The following FLT3 variants were observed in gnomAD, a reference collection of about 807,000 sequenced individuals.
FLT3 encodes the protein fms related receptor tyrosine kinase 3, also known as receptor-type tyrosine-protein kinase FLT3.
FLT3 carries 46 observed loss-of-function variants against 126.6 expected under a neutral mutation model. The ratio of observed to expected loss-of-function variants is 0.36; its 90% confidence interval spans 0.29 to 0.46. The LOEUF (loss-of-function observed/expected upper bound fraction) is 0.46, where lower values mean the gene tolerates loss of function less well. FLT3 is among the 20% of genes least tolerant of loss of function. The pLI is 1.00. For missense variants in FLT3, 1,069 were observed against 1,190.3 expected (o/e 0.90, Z 1.50); for synonymous variants, 404 against 434.4 (o/e 0.93, Z 0.87).
At chr13:28,068,758 A>T (rs111323184) in intron 2 of FLT3, among the ~76,000 whole-genome samples, 2 of 151,910 alleles carry the variant, frequency 1.3e-5, no homozygotes, top group Non-Finnish European at 2.9e-5. Context: ...TGTATTTTTG[A>T]TAGACACGGG....
At chr13:28,030,518 C>G (rs1379995857) in intron 15 of FLT3, among the ~76,000 whole-genome samples, 1 of 152,044 alleles carries the variant, frequency 6.6e-6, no homozygotes, top group Non-Finnish European at 1.5e-5. Context: ...CTTAGAGTCT[C>G]CTGGAGAAGG....
intron 1 of FLT3, among the ~76,000 whole-genome samples, chr13:28,072,951 G>A (rs1391166866): frequency 4.6e-5 from 7 of 151,982 alleles, no homozygotes; most frequent in Non-Finnish European, 1.5e-5. Context: ...CTTGCAGTGA[G>A]CCAAGATCGT....
At chr13:28,020,655 A>G (rs1028101940) in intron 19 of FLT3, among the ~76,000 whole-genome samples, 26 of 152,022 alleles carry the variant, frequency 1.7e-4, no homozygotes, top group African/African-American at 6.0e-4. Flanking sequence ...CCTCAGTGTC[A>G]TCTTCGACTT....
chr13:28,096,880 G>A (rs1456601324), intron 1 of FLT3, among the ~76,000 whole-genome samples: 1 of 152,164 alleles, frequency 6.6e-6, no homozygotes, highest in Non-Finnish European at 1.5e-5. Context: ...TTATACACAA[G>A]TTCCCCTACC....
At chr13:28,078,718 T>TTC (rs34640894) in intron 1 of FLT3, among the ~76,000 whole-genome samples, 77,944 of 141,444 alleles carry the variant, frequency 0.55, 21,865 homozygotes, top group East Asian at 0.77. Context: ...TTCTTTTCTT[T>TTC]TTTTTTTTTT....
chr13:28,071,131 A>G (rs900488314), intron 1 of FLT3, among the ~76,000 whole-genome samples: 6 of 148,244 alleles, frequency 4.0e-5, no homozygotes, highest in African/African-American at 1.5e-4. Flanking sequence ...AGTGGCTGGG[A>G]TTACAGGTGC....
chr13:28,063,316 T>C, intron 2 of FLT3, among the ~76,000 whole-genome samples: 1 of 152,034 alleles, frequency 6.6e-6, no homozygotes, highest in African/African-American at 2.4e-5. Context: ...CCATCTCTAC[T>C]GAAAATACAA....
At position 28,090,274 on chromosome 13, in the gene FLT3, G is replaced by C. The variant is rs1013851079; in HGVS notation, c.43+10194C>G. Among the ~76,000 whole-genome samples, 7 of 150,856 alleles carry C rather than the reference G, an allele frequency of 4.6e-5. No individual in the cohort carries two copies. In the South Asian group the frequency reaches 1.5e-3, roughly 32 times the overall value. On this transcript the variant is annotated intron_variant, in intron 1 of 23. Transcript: ENST00000241453. Reference sequence around the variant, plus strand: ...GCTGGTCTTGAACTCCTGACCTCTTGATCCGCCTGCCTCAGCCTCCCAAAG... The same window carrying C: ...GCTGGTCTTGAACTCCTGACCTCTTCATCCGCCTGCCTCAGCCTCCCAAAG...
chr13:28,082,153 C>G (rs1878366713), intron 1 of FLT3, among the ~76,000 whole-genome samples: 1 of 148,448 alleles, frequency 6.7e-6, no homozygotes, highest in African/African-American at 2.5e-5. Flanking sequence ...ACTGCACCGG[C>G]CTACTTTGAT....
rs981045204 is a variant in FLT3, at chr13:28,100,422, G to A, written c.43+46C>T. On this transcript the variant is annotated intron_variant, in intron 1 of 23. Coordinates refer to ENST00000241453, the MANE Select transcript of FLT3 (RefSeq NM_004119.3). The surrounding 1 kb of genome is among the most constrained non-coding windows in gnomAD (Gnocchi z 4.8). ...GCCCGGGTCCACACTGCGGGGTGGGGGCTGAGGGACCGCGAGGGGCTGCGA... is the reference window on the plus strand; with the variant it reads ...GCCCGGGTCCACACTGCGGGGTGGGAGCTGAGGGACCGCGAGGGGCTGCGA... 14 of 1,203,518 alleles carry A rather than the reference G, an allele frequency of 1.2e-5. No homozygotes were observed. Among genetic ancestry groups the A allele is most frequent in the African/African-American group, 3.2e-5 (2 of 63,426 alleles). 74.6% of individuals were successfully genotyped at this position (1,203,518 alleles called of 1,614,324 possible). A position where few individuals can be genotyped will look rare whatever the true frequency, so the allele number is the denominator to read the frequency against.
At position 28,083,824 on chromosome 13, in the gene FLT3, T is replaced by C. The variant is rs535483675; in HGVS notation, c.44-13212A>G. On this transcript the variant is annotated intron_variant, in intron 1 of 23. Transcript: ENST00000241453. ...TTAATATCTGTAGATTATGTAGTGATACTACTTCTCTCATTCCTGATATTG... is the reference window on the plus strand; with the variant it reads ...TTAATATCTGTAGATTATGTAGTGACACTACTTCTCTCATTCCTGATATTG... Among the ~76,000 whole-genome samples, 14 of 152,322 alleles carry C rather than the reference T, an allele frequency of 9.2e-5. No homozygotes were observed. The South Asian group carries it at 2.9e-3, about 32-fold the overall frequency.
rs754418964 is a variant in FLT3, at chr13:28,015,693, C to G, written c.2550G>C (p.Leu850=). 18 of 1,608,998 alleles carry G rather than the reference C, an allele frequency of 1.1e-5. No individual in the cohort carries two copies. Among genetic ancestry groups the G allele is most frequent in the Non-Finnish European group, 1.4e-5 (16 of 1,175,728 alleles). Residue 850 remains leucine (L), a synonymous_variant, in exon 21 of 24, where the codon CTG becomes CTC. Coordinates refer to ENST00000241453, the MANE Select transcript of FLT3 (RefSeq NM_004119.3). ...SNYVVRGNAR[L]PVKWMAPESL... is the part of the protein sequence containing the mutation. ...TTTCGGGGGCCATCCATTTTACAGGCAGACGGGCCTGTGGAAAACCCAGAG... is the reference window on the plus strand; with the variant it reads ...TTTCGGGGGCCATCCATTTTACAGGGAGACGGGCCTGTGGAAAACCCAGAG...
chr13:28,024,359 C>G (rs918576243), intron 18 of FLT3, among the ~76,000 whole-genome samples: 1 of 152,022 alleles, frequency 6.6e-6, no homozygotes, highest in African/African-American at 2.4e-5. Flanking sequence ...TCTTGAACTC[C>G]TGACCTCAGG....
At chr13:28,035,889 G>A (rs754356487) in intron 11 of FLT3, 46 bp downstream of exon 11, 1 of 1,438,296 alleles carries the variant, frequency 7.0e-7, no homozygotes, top group Non-Finnish European at 9.8e-7. Context: ...ATAGGTCAGA[G>A]AGTTTTATGT....
chr13:28,008,782 T>G (rs979822141), intron 23 of FLT3, among the ~76,000 whole-genome samples: 62 of 152,162 alleles, frequency 4.1e-4, no homozygotes, highest in African/African-American at 1.4e-3. Context: ...CCTGGCTGAT[T>G]TTTAATTTTG....
intron 9 of FLT3, among the ~76,000 whole-genome samples, chr13:28,045,738 A>T (rs1385462564): frequency 6.6e-6 from 1 of 151,894 alleles, no homozygotes; most frequent in Non-Finnish European, 1.5e-5. Flanking sequence ...GCATGCACCT[A>T]TAATCCCAGC....
intron 1 of FLT3, among the ~76,000 whole-genome samples, chr13:28,081,670 G>T (rs74579601): frequency 1.3e-5 from 2 of 151,880 alleles, no homozygotes; most frequent in Admixed American, 6.6e-5. Flanking sequence ...GGATATCCTC[G>T]CCTTGTTTCT....
At chr13:28,050,842 TA>T (rs5802463) in intron 5 of FLT3, among the ~76,000 whole-genome samples, 13 of 146,688 alleles carry the variant, frequency 8.9e-5, no homozygotes, top group African/African-American at 3.2e-4. Flanking sequence ...GGTCCTATTT[TA>T]AAAAAAAAAA....
At chr13:28,055,423 A>AGAACT (rs1875917671) in intron 4 of FLT3, among the ~76,000 whole-genome samples, 1 of 152,262 alleles carries the variant, frequency 6.6e-6, no homozygotes, top group Non-Finnish European at 1.5e-5. Context: ...TTAAAAAAGT[A>AGAACT]GAACTGAAAT....
Sources: allele counts gnomAD v4.1 joint callset (sites outside exome capture counted in the v4.1 genomes callset), GRCh38; gene constraint gnomAD v4.1.1; non-coding constraint Gnocchi (gnomAD v3.1); transcripts MANE v1.5; gene names NCBI Gene and HGNC (gene_info 2026-07-23, HGNC 2026-07-21).